PRKCE: variants seen among roughly 807,000 people sequenced by gnomAD.
PRKCE encodes protein kinase C epsilon.
PRKCE carries 16 observed loss-of-function variants against 85.4 expected under a neutral mutation model. The ratio of observed to expected loss-of-function variants is 0.19; its 90% CI spans 0.13 to 0.28. The LOEUF (loss-of-function observed/expected upper bound fraction) is 0.28. Ranked by LOEUF, PRKCE falls within the 10% of genes least tolerant of loss-of-function variation. The pLI is 1.00. For synonymous variants in PRKCE, 388 were observed against 371.5 expected, an observed-to-expected ratio of 1.04 and a Z score of -0.51; for missense variants, 573 against 975.2, an observed-to-expected ratio of 0.59 and a Z score of 5.49.
intron 2 of PRKCE, among the ~76,000 whole-genome samples, chr2:45,929,816 A>G (rs1698901923): frequency 6.6e-6 from 1 of 151,658 alleles, no homozygotes. Context: ...GATATGCTCA[A>G]TCCTCCCTTT....
At chr2:45,829,942 G>A (rs1012742451) in intron 1 of PRKCE, among the ~76,000 whole-genome samples, 13 of 151,524 alleles carry the variant, frequency 8.6e-5, no homozygotes, top group African/African-American at 2.2e-4. Context: ...GCGTGGTAGC[G>A]GGCGCCTGTA....
chr2:45,973,336 G>C (rs980474677), intron 2 of PRKCE, among the ~76,000 whole-genome samples: 1 of 152,176 alleles, frequency 6.6e-6, no homozygotes, highest in Non-Finnish European at 1.5e-5. Context: ...TGTGGAATTG[G>C]GGTGTTTTCA....
intron 1 of PRKCE, among the ~76,000 whole-genome samples, chr2:45,744,535 CTTCT>C (rs1236280845): frequency 0.12 from 3,460 of 28,996 alleles, 280 homozygotes; most frequent in Middle Eastern, 0.21. Context: ...TTTTTCTTTC[CTTCT>C]TTCTTTCTTT....
chr2:46,070,328 T>C (rs1018589042), intron 10 of PRKCE, among the ~76,000 whole-genome samples: 3 of 152,208 alleles, frequency 2.0e-5, no homozygotes, highest in Admixed American at 1.3e-4. Flanking sequence ...CTCAAGCACC[T>C]TCATTTTTGA....
intron 1 of PRKCE, among the ~76,000 whole-genome samples, chr2:45,754,761 G>A (rs1189628433): frequency 2.6e-5 from 4 of 152,188 alleles, no homozygotes; most frequent in Admixed American, 6.5e-5. Flanking sequence ...TGGTGTACCC[G>A]TGACTGGGCT....
chr2:45,741,150 C>T (rs2104640803), intron 1 of PRKCE, among the ~76,000 whole-genome samples: 1 of 152,330 alleles, frequency 6.6e-6, no homozygotes, highest in East Asian at 1.9e-4. Context: ...GTGATTGCTT[C>T]TATCGGTGCC....
intron 10 of PRKCE, among the ~76,000 whole-genome samples, chr2:46,038,442 T>C (rs1240116917): frequency 6.6e-6 from 1 of 152,118 alleles, no homozygotes; most frequent in Non-Finnish European, 1.5e-5. Flanking sequence ...TACTTACCCA[T>C]GGGCAGGATA....
chr2:46,039,204 C>A (rs1282085635), intron 10 of PRKCE, among the ~76,000 whole-genome samples: 3 of 152,144 alleles, frequency 2.0e-5, no homozygotes, highest in Admixed American at 6.6e-5. Context: ...ATGTTAAGTC[C>A]TTTACATGAC....
chr2:46,127,013 T>G (rs1314424191), intron 11 of PRKCE, among the ~76,000 whole-genome samples: 1 of 152,184 alleles, frequency 6.6e-6, no homozygotes, highest in Non-Finnish European at 1.5e-5. Flanking sequence ...TGAGTGCTAT[T>G]TTAAGCCTCC....
chr2:45,769,206 T>C (rs1168171481), intron 1 of PRKCE, among the ~76,000 whole-genome samples: 3 of 152,250 alleles, frequency 2.0e-5, no homozygotes, highest in African/African-American at 7.2e-5. Context: ...TGACTTCCTT[T>C]GTATACTCTT....
intron 1 of PRKCE, among the ~76,000 whole-genome samples, chr2:45,761,937 C>A (rs938996952): frequency 6.6e-6 from 1 of 152,130 alleles, no homozygotes; most frequent in Admixed American, 6.5e-5. Context: ...CCCTTCAGGA[C>A]CACCCAGCAA....
chr2:46,026,920 GTT>G (rs1217109946), intron 10 of PRKCE, among the ~76,000 whole-genome samples: 1 of 152,184 alleles, frequency 6.6e-6, no homozygotes, highest in African/African-American at 2.4e-5. Flanking sequence ...GGGTGTGGTG[GTT>G]CATGTCTGTA....
chr2:45,682,919 T>C (rs1168871101), intron 1 of PRKCE, among the ~76,000 whole-genome samples: 3 of 152,172 alleles, frequency 2.0e-5, no homozygotes, highest in Non-Finnish European at 4.4e-5. Context: ...TCCTGGCATA[T>C]AGTAGGCAAG....
At chr2:46,087,504 TCC>T (rs1669758368) in intron 11 of PRKCE, among the ~76,000 whole-genome samples, 1 of 152,218 alleles carries the variant, frequency 6.6e-6, no homozygotes, top group Non-Finnish European at 1.5e-5. Context: ...ACTCCAGGCT[TCC>T]CTTCCTTCTG....
chr2:45,960,340 C>T (rs542585832), intron 2 of PRKCE, among the ~76,000 whole-genome samples: 10 of 152,206 alleles, frequency 6.6e-5, no homozygotes, highest in Middle Eastern at 3.4e-3. Context: ...AGAATCCTTT[C>T]GAGAAATAGA....
At chr2:45,959,280 G>T (rs1414107022) in intron 2 of PRKCE, among the ~76,000 whole-genome samples, 5 of 152,132 alleles carry the variant, frequency 3.3e-5, no homozygotes, top group Admixed American at 3.3e-4. Flanking sequence ...TAGAATGAAG[G>T]AGTAACGCCT....
intron 1 of PRKCE, among the ~76,000 whole-genome samples, chr2:45,756,992 T>C (rs1684059890): frequency 6.6e-6 from 1 of 152,174 alleles, no homozygotes; most frequent in Non-Finnish European, 1.5e-5. Context: ...GGCTCATGCC[T>C]CTAATCCCAG....
chr2:45,726,612 G>T lies in PRKCE; in HGVS notation c.348+74164G>T, dbSNP rs116392402. Among the ~76,000 whole-genome samples the T allele has an allele frequency of 1.9e-3, 296 of 152,256 alleles. 2 individuals carry two copies. Among genetic ancestry groups the T allele is most frequent in the African/African-American group, 7.0e-3 (290 of 41,542 alleles). ...GTGTAAACATAAATTTACGTACACT[G>T]GGAAACAAAATATTTTTATGACTTG... is the stretch of plus-strand genomic sequence containing the variant. On this transcript the variant is annotated intron_variant, in intron 1 of 14. Coordinates refer to ENST00000306156, the MANE Select transcript of PRKCE (RefSeq NM_005400.3).
intron 1 of PRKCE, among the ~76,000 whole-genome samples, chr2:45,681,796 A>C (rs1480809295): frequency 6.6e-6 from 1 of 152,214 alleles, no homozygotes; most frequent in African/African-American, 2.4e-5. Context: ...CCTGTATTAA[A>C]GCAGCAGCCT....
Sources: gnomAD v4.1 joint callset for allele counts (sites outside exome capture counted in the v4.1 genomes callset) on GRCh38, gnomAD v4.1.1 for gene constraint, MANE v1.5 for transcripts, NCBI Gene and HGNC (gene_info 2026-07-23, HGNC 2026-07-21) for gene names.